Variants in RNF19B observed in about 807,000 individuals in gnomAD.
RNF19B encodes E3 ubiquitin-protein ligase RNF19B.
RNF19B carries 23 observed loss-of-function variants against 65.5 expected under a neutral mutation model. The observed-to-expected ratio is 0.35, with a 90% CI of 0.25 to 0.50. The LOEUF (loss-of-function observed/expected upper bound fraction) is 0.50, where lower values mean the gene tolerates loss of function less well. Among genes scored for constraint, RNF19B ranks in the 20% least tolerant of loss-of-function variants. The pLI is 0.98. For synonymous variants in RNF19B, 372 were observed against 379.6 expected (o/e 0.98, Z 0.23); for missense variants, 794 against 980.0 (o/e 0.81, Z 2.53).
downstream of RNF19B, among the ~76,000 whole-genome samples, chr1:32,934,740 A>G (rs1055305072): frequency 2.0e-5 from 3 of 152,178 alleles, no homozygotes; most frequent in African/African-American, 7.2e-5. Context: ...TGACTCATAC[A>G]AAGTAAGTCA....
At position 32,964,410 on chromosome 1, in the gene RNF19B, G is replaced by A; in HGVS notation, c.276C>T (p.Ala92=). 1.6e-6 allele frequency: 2 copies of A among 1,267,420 alleles called. No homozygotes were observed. Among genetic ancestry groups the A allele is most frequent in the Non-Finnish European group, 2.0e-6 (2 of 1,009,418 alleles). The allele number at this position is 1,267,420 out of a possible 1,614,324, so 78.5% of individuals were successfully genotyped here. Residue 92 remains alanine (A), a synonymous_variant, in exon 1 of 9, where the codon GCC becomes GCT. Transcript: ENST00000235150. This position sits in a 1 kb window ranked among gnomAD's most constrained non-coding sequence, Gnocchi z 6.5. ...AEPAAEAEAE[A]AAAAAEPGFD... ...ACCCAGGCTCCGCCGCCGCCGCCGC[G>A]GCCTCCGCCTCGGCCTCGGCGGCCG...
intron 3 of RNF19B, 144 bp from the exon 4 acceptor site, chr1:32,946,708 G>A (rs1340142160): frequency 2.1e-5 from 15 of 727,240 alleles, no homozygotes; most frequent in Non-Finnish European, 3.0e-5. Flanking sequence ...ACAAGGGAGA[G>A]CAAAGGACAA....
chr1:32,944,266 C>G, intron 5 of RNF19B, 107 bp from the exon 6 acceptor site: 1 of 1,259,472 alleles, frequency 7.9e-7, no homozygotes, highest in South Asian at 1.5e-5. Context: ...GAAAGGAAGA[C>G]AGAAAGTGGC....
At chr1:32,932,653 C>T (rs1024251456), downstream of RNF19B, among the ~76,000 whole-genome samples, 1 of 152,138 alleles carries the variant, frequency 6.6e-6, no homozygotes, top group South Asian at 2.1e-4. Context: ...CCAGTTTCAA[C>T]CTTTTTGAAA....
At chr1:32,955,176 T>C (rs554753485) in intron 1 of RNF19B, among the ~76,000 whole-genome samples, 1 of 152,242 alleles carries the variant, frequency 6.6e-6, no homozygotes, top group South Asian at 2.1e-4. Flanking sequence ...TCTAGTATAC[T>C]GGTTCATGCT....
At chr1:32,947,048 C>A (rs1330103227) in intron 3 of RNF19B, among the ~76,000 whole-genome samples, 1 of 152,200 alleles carries the variant, frequency 6.6e-6, no homozygotes, top group Non-Finnish European at 1.5e-5. Flanking sequence ...ACCTTTCTAT[C>A]AGTTTGGTAT....
downstream of RNF19B, among the ~76,000 whole-genome samples, chr1:32,934,952 C>G (rs1283596239): frequency 6.6e-6 from 1 of 151,938 alleles, no homozygotes; most frequent in Non-Finnish European, 1.5e-5. Context: ...CCTGCCTCAG[C>G]CTCCCGAGTA....
At position 32,964,631 on chromosome 1, in the gene RNF19B, C is replaced by T. The variant is rs1316265827; in HGVS notation, c.55G>A (p.Ala19Thr). ...CCGCTGCGGCACTTAGGGTCGGGTG[C>T]GGCCGCATGTAGCGATGTGGAGCGC... ...SPRSTSLHAA[A>T]PDPKCRSGGR... is the part of the protein sequence containing the mutation. Residue 19 changes from alanine (A) to threonine (T), a missense_variant, in exon 1 of 9, where the codon GCA (alanine) becomes ACA (threonine). Coordinates refer to ENST00000235150, the MANE Select transcript of RNF19B (RefSeq NM_001300826.2). This position sits in a 1 kb window ranked among gnomAD's most constrained non-coding sequence, Gnocchi z 6.5. The T allele has an allele frequency of 1.8e-5, 26 of 1,472,650 alleles. No individual in the cohort carries two copies. The South Asian group carries it at 3.1e-4, about 17-fold the overall frequency. The allele number at this position is 1,472,650 out of a possible 1,614,324, so 91.2% of individuals were successfully genotyped here. A position where few individuals can be genotyped will look rare whatever the true frequency, so the allele number is the denominator to read the frequency against.
chr1:32,947,006 C>A (rs1246293791), intron 3 of RNF19B, among the ~76,000 whole-genome samples: 1 of 152,184 alleles, frequency 6.6e-6, no homozygotes, highest in Non-Finnish European at 1.5e-5. Flanking sequence ...AAACCATGTT[C>A]GTGGGAGAGG....
At position 32,954,751 on chromosome 1, in the gene RNF19B, AAAC is replaced by A. The variant is rs201707616; in HGVS notation, c.636-4980_636-4978del. On this transcript the variant is annotated intron_variant, in intron 1 of 8. Coordinates refer to ENST00000235150, the MANE Select transcript of RNF19B (RefSeq NM_001300826.2). ...GGAATTCCATCTCAAAAAAAAAAAA[AAAC>A]AATCTCCAAACCTTAGCTTCTATTC... is the stretch of plus-strand genomic sequence containing the variant. Among the ~76,000 whole-genome samples, 188 of 151,884 alleles carry A rather than the reference AAAC, an allele frequency of 1.2e-3. 3 individuals are homozygous for A. In the East Asian group the frequency reaches 0.034, roughly 27 times the overall value.
intron 6 of RNF19B, 149 bp downstream of exon 6, chr1:32,943,870 G>T (rs1188455745): frequency 2.5e-6 from 2 of 797,094 alleles, no homozygotes; most frequent in African/African-American, 1.7e-5. Context: ...TTGGAACAAA[G>T]AAATGAAAAG....
At chr1:32,941,925 A>G (rs1034497768) in intron 7 of RNF19B, among the ~76,000 whole-genome samples, 4 of 152,102 alleles carry the variant, frequency 2.6e-5, no homozygotes, top group Non-Finnish European at 4.4e-5. Flanking sequence ...GTGAAACTCC[A>G]TCTCTACTAA....
intron 2 of RNF19B, among the ~76,000 whole-genome samples, chr1:32,948,793 A>T (rs1473879533): frequency 1.3e-5 from 2 of 152,208 alleles, no homozygotes; most frequent in African/African-American, 4.8e-5. Context: ...TTCAGGTTCA[A>T]CATGTATCAT....
chr1:32,949,598 C>A lies in RNF19B; in HGVS notation c.812G>T (p.Gly271Val), dbSNP rs774511302. ...TCCAGATTCTTGCCCATAACTGAGA[C>A]CTGAAGTGTGTTTGGTCCGAACTCG... Reference protein sequence around the residue: ...TLRVRTKHTSGLSYGQESGPD... With the variant: ...TLRVRTKHTSVLSYGQESGPD... Residue 271 changes from glycine to valine, a missense_variant, in exon 2 of 9, where the codon GGT becomes GTT. By Grantham distance (109) the Gly-to-Val change is moderately radical. Transcript: ENST00000235150. The A allele has an allele frequency of 1.8e-5, 29 of 1,613,992 alleles. No individual in the cohort carries two copies. The South Asian group carries it at 2.9e-4, about 16-fold the overall frequency.
At chr1:32,932,311 C>T (rs1214042798), downstream of RNF19B, among the ~76,000 whole-genome samples, 1 of 152,132 alleles carries the variant, frequency 6.6e-6, no homozygotes, top group Non-Finnish European at 1.5e-5. Context: ...CCTTCAACAC[C>T]CACAAAGCTA....
chr1:32,948,392 A>G, intron 2 of RNF19B, 29 bp from the exon 3 acceptor site: 1 of 1,604,922 alleles, frequency 6.2e-7, no homozygotes, highest in Non-Finnish European at 8.5e-7. Flanking sequence ...GAATGGGTAG[A>G]AAAAATACCC....
At chr1:32,955,357 C>T (rs1175132985) in intron 1 of RNF19B, among the ~76,000 whole-genome samples, 1 of 151,950 alleles carries the variant, frequency 6.6e-6, no homozygotes, top group Non-Finnish European at 1.5e-5. Context: ...TAACCTAATC[C>T]TAAAATTTCA....
At chr1:32,954,906 G>A (rs1462968563) in intron 1 of RNF19B, among the ~76,000 whole-genome samples, 1 of 151,946 alleles carries the variant, frequency 6.6e-6, no homozygotes, top group Non-Finnish European at 1.5e-5. Flanking sequence ...CTACTTTCTG[G>A]CTTTTACATA....
At chr1:32,960,826 A>C (rs1642751828) in intron 1 of RNF19B, among the ~76,000 whole-genome samples, 1 of 152,124 alleles carries the variant, frequency 6.6e-6, no homozygotes, top group South Asian at 2.1e-4. Flanking sequence ...GGGAGACCCT[A>C]TCTCTACAAA....
Sources: allele counts gnomAD v4.1 joint callset (sites outside exome capture counted in the v4.1 genomes callset), GRCh38; gene constraint gnomAD v4.1.1; non-coding constraint Gnocchi (gnomAD v3.1); transcripts MANE v1.5; gene names NCBI Gene and HGNC (gene_info 2026-07-23, HGNC 2026-07-21).